Variants in COL15A1 observed in about 807,000 individuals in gnomAD.
COL15A1 encodes collagen alpha-1(XV) chain.
Under a neutral mutation model 165.9 loss-of-function variants are expected in COL15A1, and 111 were observed. That is an observed-to-expected ratio of 0.67 (90% CI 0.57 to 0.78). The LOEUF (loss-of-function observed/expected upper bound fraction) is 0.78, where lower values mean the gene tolerates loss of function less well. Ranked by LOEUF, COL15A1 falls within the 30% of genes least tolerant of loss-of-function variation. The pLI is 0.00. For synonymous variants in COL15A1, 659 were observed against 674.8 expected (o/e 0.98, Z 0.36); for missense variants, 1,745 against 1,789.7 (o/e 0.98, Z 0.45).
chr9:99,034,616 A>AAAAATT, intron 17 of COL15A1, 32 bp downstream of exon 17: 1 of 1,356,670 alleles, frequency 7.4e-7, no homozygotes, highest in Non-Finnish European at 9.5e-7. Flanking sequence ...AAAAAAAAAG[A>AAAAATT]ACTTTCTTCT....
chr9:99,059,277 C>G (rs1050879206), intron 35 of COL15A1, among the ~76,000 whole-genome samples: 1 of 152,192 alleles, frequency 6.6e-6, no homozygotes, highest in African/African-American at 2.4e-5. Flanking sequence ...TCAAAGCACT[C>G]AGTTCTCACC....
intron 16 of COL15A1, among the ~76,000 whole-genome samples, chr9:99,027,625 C>T (rs1839148665): frequency 6.6e-6 from 1 of 152,158 alleles, no homozygotes; most frequent in Non-Finnish European, 1.5e-5. Context: ...ACAAAACACC[C>T]TTGCACAGGC....
Position 99,068,571 on chromosome 9 carries a change from A to G in COL15A1, c.3854A>G (p.Asn1285Ser). The change falls in exon 41 of 42, where the codon AAT becomes AGT. Residue 1285 changes from asparagine to serine, a missense_variant. By Grantham distance (46) the Asn-to-Ser change is conservative (BLOSUM62 1). Transcript: ENST00000375001. ...TCTCTATAGGGCCAAGTACTTTTTAATAATTGGGACTCAATTTTTTCTGGC... is the reference window on the plus strand; with the variant it reads ...TCTCTATAGGGCCAAGTACTTTTTAGTAATTGGGACTCAATTTTTTCTGGC... ...IVNLKGQVLF[N>S]NWDSIFSGHG... 1 of 1,534,144 alleles carries G rather than the reference A, an allele frequency of 6.5e-7. No individual in the cohort carries two copies. Among genetic ancestry groups the G allele is most frequent in the Non-Finnish European group, 8.7e-7 (1 of 1,148,136 alleles).
rs773196929 is a variant in COL15A1, at chr9:99,024,277, G to GTTTTTTTTTTTTTTTTTTTTTTTTT, written c.1855-590_1855-589insTTTTTTTTTTTTTTTTTTTTTTTTT. Among the ~76,000 whole-genome samples, 2 of 108,628 alleles carry GTTTTTTTTTTTTTTTTTTTTTTTTT rather than the reference G, an allele frequency of 1.8e-5. 1 individual carries two copies. 71.3% of individuals were successfully genotyped at this position (108,628 alleles called of 152,430 possible). ...GGCTACACCACAAGCAGTTTTTTTT[G>GTTTTTTTTTTTTTTTTTTTTTTTTT]TTTTTTTGTTTTTTTTTTTTTGAGA... On this transcript the variant is annotated intron_variant, in intron 14 of 41. Transcript: ENST00000375001.
chr9:99,040,737 TG>T (rs1839387633), intron 23 of COL15A1, 181 bp downstream of exon 23: 3 of 1,084,822 alleles, frequency 2.8e-6, no homozygotes, highest in Non-Finnish European at 3.9e-6. Flanking sequence ...CAGGCTGGTC[TG>T]GAACTCCTGA....
At chr9:99,069,640 T>G in intron 41 of COL15A1, 33 bp from the exon 42 acceptor site, 1 of 1,585,614 alleles carries the variant, frequency 6.3e-7, no homozygotes, top group Non-Finnish European at 8.6e-7. Context: ...GAAGTGTCAT[T>G]TTGAAAAATA....
intron 12 of COL15A1, among the ~76,000 whole-genome samples, chr9:99,021,359 C>T (rs59877189): frequency 0.27 from 40,228 of 150,354 alleles, 6,181 homozygotes; most frequent in East Asian, 0.43. Flanking sequence ...TCAGATGGAG[C>T]AGGGCTCTGG....
chr9:99,039,756 G>A (rs1325452933), intron 22 of COL15A1, among the ~76,000 whole-genome samples: 1 of 152,192 alleles, frequency 6.6e-6, no homozygotes, highest in African/African-American at 2.4e-5. Flanking sequence ...CTTCTCTGAT[G>A]ACACCTCACC....
At chr9:98,987,392 G>C (rs374581536) in intron 4 of COL15A1, 24 bp downstream of exon 4, 236 of 1,588,538 alleles carry the variant, frequency 1.5e-4, no homozygotes, top group Non-Finnish European at 1.6e-4. Flanking sequence ...CTATCCCACA[G>C]TGGGCCCTGC....
At chr9:99,063,201 T>C (rs1255164294) in intron 39 of COL15A1, 92 bp downstream of exon 39, 1 of 1,366,296 alleles carries the variant, frequency 7.3e-7, no homozygotes, top group South Asian at 1.6e-5. Context: ...CCTACCATCA[T>C]GATACTTATA....
intron 39 of COL15A1, 146 bp from the exon 40 acceptor site, chr9:99,066,736 C>T (rs1825900715): frequency 1.5e-6 from 1 of 660,880 alleles, no homozygotes; most frequent in African/African-American, 1.8e-5. Flanking sequence ...ACTGTAATTC[C>T]AATGTCAGGG....
At position 98,962,135 on chromosome 9, in the gene COL15A1, T is replaced by G. The variant is rs574659756; in HGVS notation, c.100+17885T>G. On this transcript the variant is annotated intron_variant, in intron 2 of 41. Transcript: ENST00000375001. ...TCATCCAGGTCTGACATGATCTCTT[T>G]TTATTTTTTATCTCTCTCTGGATCT... is the stretch of plus-strand genomic sequence containing the variant. Among the ~76,000 whole-genome samples the G allele has an allele frequency of 2.4e-3, 371 of 152,346 alleles. 3 individuals carry two copies. Among genetic ancestry groups the G allele is most frequent in the Middle Eastern group, 6.8e-3 (2 of 294 alleles).
intron 6 of COL15A1, among the ~76,000 whole-genome samples, chr9:99,000,056 A>G (rs1838621518): frequency 6.6e-6 from 1 of 152,084 alleles, no homozygotes; most frequent in Admixed American, 6.6e-5. Context: ...TTTTTAGTAG[A>G]GATGGGGTTT....
At chr9:98,958,163 T>G (rs1304109684) in intron 2 of COL15A1, among the ~76,000 whole-genome samples, 1 of 152,256 alleles carries the variant, frequency 6.6e-6, no homozygotes, top group Non-Finnish European at 1.5e-5. Context: ...TCCTTTGCTC[T>G]TCTTCTGCTG....
In COL15A1 at chr9:99,037,909, G is replaced by A. The variant is rs116103766; in HGVS notation, c.2410-759G>A. Among the ~76,000 whole-genome samples the A allele has an allele frequency of 1.6e-3, 238 of 152,270 alleles. 1 individual carries two copies. Among genetic ancestry groups the A allele is most frequent in the African/African-American group, 4.9e-3 (205 of 41,548 alleles). On this transcript the variant is annotated intron_variant, in intron 21 of 41. Coordinates refer to ENST00000375001, the MANE Select transcript of COL15A1 (RefSeq NM_001855.5). ...AGGTCGAGGGAGCTGACTGGCAGAG[G>A]ATAGTGCACATGGGTGTGTGTAGAG...
At chr9:99,023,824 C>T (rs12352939) in intron 14 of COL15A1, among the ~76,000 whole-genome samples, 18,751 of 152,048 alleles carry the variant, frequency 0.12, 1,360 homozygotes, top group East Asian at 0.3. Context: ...ATTAAAGAGA[C>T]CTGCTGGTTT....
intron 39 of COL15A1, 117 bp downstream of exon 39, chr9:99,063,226 G>A: frequency 1.6e-6 from 2 of 1,229,984 alleles, no homozygotes; most frequent in Non-Finnish European, 2.1e-6. Flanking sequence ...AGTGAGAGAG[G>A]CAAACAAAAA....
intron 15 of COL15A1, among the ~76,000 whole-genome samples, 174 bp from the exon 16 acceptor site, chr9:99,025,730 A>T (rs1294377427): frequency 6.6e-6 from 1 of 152,234 alleles, no homozygotes; most frequent in South Asian, 2.1e-4. Flanking sequence ...ACAGGTGCAC[A>T]GTCAGCAGTG....
At chr9:98,989,065 CGGTTT>C in intron 4 of COL15A1, 108 bp from the exon 5 acceptor site, 1 of 739,414 alleles carries the variant, frequency 1.4e-6, no homozygotes, top group East Asian at 2.7e-5. Flanking sequence ...CACACACACA[CGGTTT>C]CCCTGTAGGA....
Sources: allele counts gnomAD v4.1 joint callset (sites outside exome capture counted in the v4.1 genomes callset), GRCh38; gene constraint gnomAD v4.1.1; transcripts MANE v1.5; gene names NCBI Gene and HGNC (gene_info 2026-07-23, HGNC 2026-07-21).